Variants in RARA observed in about 807,000 individuals in gnomAD.
RARA encodes the protein retinoic acid receptor alpha, also known as PML-DDX5-RARA fusion.
Under a neutral mutation model 42.8 loss-of-function variants are expected in RARA, and 5 were observed. The observed-to-expected ratio is 0.12, with a 90% confidence interval of 0.06 to 0.25. The LOEUF (loss-of-function observed/expected upper bound fraction) is 0.25, where lower values mean the gene tolerates loss of function less well. RARA is among the 10% of genes least tolerant of loss of function. RARA has a pLI of 1.00. For missense variants in RARA, 402 were observed against 628.7 expected (o/e 0.64, Z 3.86); for synonymous variants, 256 against 259.5 (o/e 0.99, Z 0.13).
intron 1 of RARA, among the ~76,000 whole-genome samples, chr17:40,325,270 A>AATAAATAT (rs2033506482): frequency 6.7e-6 from 1 of 150,156 alleles, no homozygotes; most frequent in African/African-American, 2.4e-5. Flanking sequence ...TAAATAAATA[A>AATAAATAT]ATAAATAAAT....
chr17:40,355,354 C>T lies in RARA; in HGVS notation c.1104C>T (p.Pro368=), dbSNP rs747378986. Reference sequence around the variant, plus strand: ...AGGTCTACGTGCGGAAGCGGAGGCCCAGCCGCCCCCACATGTTCCCCAAGA... The same window carrying T: ...AGGTCTACGTGCGGAAGCGGAGGCCTAGCCGCCCCCACATGTTCCCCAAGA... The part of the protein sequence containing the change: ...ALKVYVRKRR[P]SRPHMFPKML... The change falls in exon 8 of 9, where the codon CCC becomes CCT. Residue 368 remains proline (P), a synonymous_variant. Coordinates refer to ENST00000254066, the MANE Select transcript of RARA (RefSeq NM_000964.4). The surrounding 1 kb of genome is among the most constrained non-coding windows in gnomAD (Gnocchi z 4.1). The T allele has an allele frequency of 6.2e-7, 1 of 1,613,634 alleles. No individual in the cohort carries two copies. Among genetic ancestry groups the T allele is most frequent in the Non-Finnish European group, 8.5e-7 (1 of 1,179,850 alleles).
chr17:40,332,072 C>T (rs2033709350), intron 2 of RARA, among the ~76,000 whole-genome samples: 1 of 152,210 alleles, frequency 6.6e-6, no homozygotes, highest in South Asian at 2.1e-4. Flanking sequence ...CACCCTCTGC[C>T]ATGGAGGTCA....
At chr17:40,344,577 G>GATC (rs1180981983) in intron 2 of RARA, among the ~76,000 whole-genome samples, 1 of 152,120 alleles carries the variant, frequency 6.6e-6, no homozygotes, top group Non-Finnish European at 1.5e-5. Flanking sequence ...GAGGGAGGAG[G>GATC]ATCACAGAGA....
chr17:40,333,630 C>G (rs1321675457), intron 2 of RARA, among the ~76,000 whole-genome samples: 1 of 151,052 alleles, frequency 6.6e-6, no homozygotes, highest in Non-Finnish European at 1.5e-5. Context: ...GCCACTGTGC[C>G]TGGCTTTCTT....
chr17:40,353,881 G>C (rs2034530774), intron 6 of RARA, among the ~76,000 whole-genome samples: 1 of 152,162 alleles, frequency 6.6e-6, no homozygotes, highest in South Asian at 2.1e-4. Flanking sequence ...CTGAGCGCTT[G>C]TTGTGTACCT....
At chr17:40,329,793 CTCTTT>C (rs1285749570) in intron 1 of RARA, among the ~76,000 whole-genome samples, 6 of 152,134 alleles carry the variant, frequency 3.9e-5, no homozygotes, top group Middle Eastern at 3.2e-3. Context: ...TTTTGTCTGT[CTCTTT>C]TCTTTTGTCT....
chr17:40,320,200 G>T lies in RARA; in HGVS notation c.-362-10657G>T, dbSNP rs1394799655. 6.6e-6 allele frequency among the ~76,000 whole-genome samples: 1 copy of T among 152,206 alleles called. No individual in the cohort carries two copies. The highest frequency in any genetic ancestry group is 1.9e-4 in the East Asian group (1 of 5,178). ...TCTGAGAAGATCCTGGGGTTGAAATGGCTTAATCCTGGCCACATCCTCCTT... is the reference window on the plus strand; with the variant it reads ...TCTGAGAAGATCCTGGGGTTGAAATTGCTTAATCCTGGCCACATCCTCCTT... On this transcript the variant is annotated intron_variant, in intron 1 of 8. Transcript: ENST00000254066. This position sits in a 1 kb window ranked among gnomAD's most constrained non-coding sequence, Gnocchi z 4.1.
At chr17:40,350,430 T>G (rs1289389556) in intron 4 of RARA, 1 of 154,696 alleles carries the variant, frequency 6.5e-6, no homozygotes, top group East Asian at 1.9e-4. Context: ...GAAGAAAGAA[T>G]TGGGACTTCT....
At chr17:40,349,385 C>T (rs2034371765) in intron 3 of RARA, 1 of 202,740 alleles carries the variant, frequency 4.9e-6, no homozygotes, top group Non-Finnish European at 1.0e-5. Context: ...TATCTGCCTC[C>T]TGGCCTCTTC....
chr17:40,347,008 G>A (rs567098848), intron 2 of RARA, among the ~76,000 whole-genome samples: 107 of 152,360 alleles, frequency 7.0e-4, no homozygotes, highest in Admixed American at 2.2e-3. Flanking sequence ...GGTAAGGGGG[G>A]AGGGTGGTAG....
In RARA at chr17:40,326,230, G is replaced by A. The variant is rs1333126856; in HGVS notation, c.-362-4627G>A. On this transcript the variant is annotated intron_variant, in intron 1 of 8. Transcript: ENST00000254066. This position sits in a 1 kb window ranked among gnomAD's most constrained non-coding sequence, Gnocchi z 5.2. ...TGGTGGCAAGAGGCATGGGGATGGA[G>A]GGCTCCAGTTGCCCGGGCCTCCCCT... 6.6e-6 allele frequency among the ~76,000 whole-genome samples: 1 copy of A among 152,250 alleles called. No homozygotes were observed. Among genetic ancestry groups the A allele is most frequent in the Non-Finnish European group, 1.5e-5 (1 of 68,036 alleles).
In RARA at chr17:40,352,172, C is replaced by A. The variant is rs576891299; in HGVS notation, c.630+102C>A. On this transcript the variant is annotated intron_variant, in intron 5 of 8. Transcript: ENST00000254066. The surrounding 1 kb of genome is among the most constrained non-coding windows in gnomAD (Gnocchi z 4.9). ...CTTCTTGTGCCAGGCAAGATCTCTG[C>A]GTCCTTCCCTTCCCCTCTCTTCTCC... 6.8e-7 allele frequency: 1 copy of A among 1,474,500 alleles called. No individual in the cohort carries two copies. Among genetic ancestry groups the A allele is most frequent in the Non-Finnish European group, 8.9e-7 (1 of 1,118,024 alleles). 91.3% of individuals were successfully genotyped at this position (1,474,500 alleles called of 1,614,324 possible).
chr17:40,354,706 A>G lies in RARA; in HGVS notation c.1012+200A>G, dbSNP rs181217602. Reference sequence around the variant, plus strand: ...GGGCAACACCCCTTCTAGGGAGGTTAAGAGTGAGGGTTTGAGGGTCGGACC... The same window carrying G: ...GGGCAACACCCCTTCTAGGGAGGTTGAGAGTGAGGGTTTGAGGGTCGGACC... On this transcript the variant is annotated intron_variant, in intron 7 of 8. Transcript: ENST00000254066. The surrounding 1 kb of genome is among the most constrained non-coding windows in gnomAD (Gnocchi z 4.5). Among the ~76,000 whole-genome samples, 1 of 152,280 alleles carries G rather than the reference A, an allele frequency of 6.6e-6. No homozygotes were observed. The highest frequency in any genetic ancestry group is 2.4e-5 in the African/African-American group (1 of 41,564).
chr17:40,341,577 C>T, intron 2 of RARA: 1 of 1,364,262 alleles, frequency 7.3e-7, no homozygotes, highest in Non-Finnish European at 9.5e-7. Context: ...GGGCGAGCCC[C>T]GCGGGCGGGC....
rs531789323 is a variant in RARA at position 40,348,774 on chromosome 17, C to G, written c.327+310C>G. 3 of 237,970 alleles carry G rather than the reference C, an allele frequency of 1.3e-5. No homozygotes were observed. In the East Asian group the frequency reaches 2.5e-4, roughly 20 times the overall value. 14.7% of individuals were successfully genotyped at this position (237,970 alleles called of 1,614,324 possible). A position where few individuals can be genotyped will look rare whatever the true frequency, so the allele number is the denominator to read the frequency against. ...CAGGTTGCCATGGTGAGCTGGCTGC[C>G]GACTGGCTCTTGGCTGGGGACCCAG... On this transcript the variant is annotated intron_variant, in intron 3 of 8. Coordinates refer to ENST00000254066, the MANE Select transcript of RARA (RefSeq NM_000964.4).
At chr17:40,309,876 C>T (rs2033063800) in intron 1 of RARA, among the ~76,000 whole-genome samples, 1 of 152,192 alleles carries the variant, frequency 6.6e-6, no homozygotes, top group African/African-American at 2.4e-5. Context: ...GTTCTTTCAG[C>T]TTAGAGCCCC....
rs1303600930 is a variant in RARA at position 40,315,157 on chromosome 17, T to C, written c.-363+5871T>C. ...GTATATATATATATATATATATATA[T>C]ATATATATATATATACACACACACA... On this transcript the variant is annotated intron_variant, in intron 1 of 8. Coordinates refer to ENST00000254066, the MANE Select transcript of RARA (RefSeq NM_000964.4). 1.1e-3 allele frequency among the ~76,000 whole-genome samples: 147 copies of C among 128,728 alleles called. 5 individuals carry two copies. Among genetic ancestry groups the C allele is most frequent in the African/African-American group, 4.7e-3 (139 of 29,752 alleles). The allele number at this position is 128,728 out of a possible 152,430, so 84.5% of individuals were successfully genotyped here. A position where few individuals can be genotyped will look rare whatever the true frequency, so the allele number is the denominator to read the frequency against.
Position 40,355,310 on chromosome 17 carries a change from C to T in RARA, c.1060C>T (p.Pro354Ser), listed in dbSNP as rs755139197. ...GGACCGGGTGGACATGCTGCAGGAGCCGCTGCTGGAGGCGCTAAAGGTCTA... is the reference window on the plus strand; with the variant it reads ...GGACCGGGTGGACATGCTGCAGGAGTCGCTGCTGGAGGCGCTAAAGGTCTA... ...QPDRVDMLQE[P>S]LLEALKVYVR... is the part of the protein sequence containing the mutation. The change falls in exon 8 of 9, where the codon CCG becomes TCG. Residue 354 changes from proline to serine, a missense_variant. Physicochemically the swap from Pro to Ser is moderately conservative, Grantham distance 74 (BLOSUM62 -1). Around this residue, in one of 5 missense-constraint regions of RARA, gnomAD observed 104 missense variants for 160.1 expected, o/e 0.65. Transcript: ENST00000254066. This position sits in a 1 kb window ranked among gnomAD's most constrained non-coding sequence, Gnocchi z 4.1. The T allele has an allele frequency of 6.2e-7, 1 of 1,605,238 alleles. No individual in the cohort carries two copies. Among genetic ancestry groups the T allele is most frequent in the South Asian group, 1.1e-5 (1 of 89,736 alleles).
At position 40,356,067 on chromosome 17, in the gene RARA, C is replaced by T. The variant is rs571769665; in HGVS notation, c.1230C>T (p.Ile410=). The T allele has an allele frequency of 1.9e-6, 3 of 1,607,508 alleles. No homozygotes were observed. The highest frequency in any genetic ancestry group is 1.1e-5 in the South Asian group (1 of 90,142). The change falls in exon 9 of 9, where the codon ATC becomes ATT. Residue 410 remains isoleucine, a synonymous_variant. Coordinates refer to ENST00000254066, the MANE Select transcript of RARA (RefSeq NM_000964.4). ...MEIPGSMPPL[I]QEMLENSEGL... is the part of the protein sequence containing the mutation. ...TCCCGGGCTCCATGCCGCCTCTCAT[C>T]CAGGAAATGTTGGAGAACTCAGAGG...
Sources: gnomAD v4.1 joint callset for allele counts (sites outside exome capture counted in the v4.1 genomes callset) on GRCh38, gnomAD v4.1.1 for gene constraint, gnomAD v4.1.1 regional missense constraint, Gnocchi (gnomAD v3.1) non-coding constraint, MANE v1.5 for transcripts, NCBI Gene and HGNC (gene_info 2026-07-23, HGNC 2026-07-21) for gene names.